Variants in AQP9 observed in about 807,000 individuals in gnomAD.
AQP9 encodes the protein aquaporin 9, also known as aquaporin-9.
A neutral mutation model predicts 23.8 loss-of-function variants in AQP9; 19 were observed. That is an observed-to-expected ratio of 0.80 (90% CI 0.56 to 1.17). The LOEUF (loss-of-function observed/expected upper bound fraction) is 1.17, where lower values mean the gene tolerates loss of function less well. Ranked by LOEUF, AQP9 falls within the 50% of genes most tolerant of loss-of-function variation. The pLI, the probability that AQP9 is intolerant of heterozygous loss-of-function variation, is 0.00. For missense variants in AQP9, 413 were observed against 362.0 expected (o/e 1.14, Z -1.14); for synonymous variants, 153 against 131.5 (o/e 1.16, Z -1.12).
At chr15:58,171,166 C>G (rs1489555228) in intron 2 of AQP9, among the ~76,000 whole-genome samples, 1 of 151,678 alleles carries the variant, frequency 6.6e-6, no homozygotes, top group Non-Finnish European at 1.5e-5. Flanking sequence ...CGGCTCACTG[C>G]AACCTCCGCC....
chr15:58,179,824 T>C (rs1245345206), intron 5 of AQP9, among the ~76,000 whole-genome samples: 4 of 152,130 alleles, frequency 2.6e-5, no homozygotes, highest in African/African-American at 4.8e-5. Flanking sequence ...AGCAAGGAAA[T>C]TTCAAATCAG....
At chr15:58,160,139 T>C (rs1898344621) in intron 1 of AQP9, among the ~76,000 whole-genome samples, 1 of 152,220 alleles carries the variant, frequency 6.6e-6, no homozygotes, top group Non-Finnish European at 1.5e-5. Context: ...CGTATAAATG[T>C]TCCTCTTTCT....
At chr15:58,169,510 G>A (rs978774932) in intron 2 of AQP9, among the ~76,000 whole-genome samples, 2 of 152,172 alleles carry the variant, frequency 1.3e-5, no homozygotes, top group African/African-American at 2.4e-5. Context: ...TTGTGTGTGG[G>A]AGGTGACTTT....
intron 2 of AQP9, among the ~76,000 whole-genome samples, chr15:58,171,148 C>T (rs1182986402): frequency 1.3e-5 from 2 of 150,514 alleles, no homozygotes; most frequent in Non-Finnish European, 2.9e-5. Flanking sequence ...AGTACAGTGG[C>T]ACCATCTCGG....
intron 1 of AQP9, among the ~76,000 whole-genome samples, chr15:58,156,948 T>C (rs1332774066): frequency 6.6e-6 from 1 of 152,148 alleles, no homozygotes; most frequent in African/African-American, 2.4e-5. Flanking sequence ...AAGGTTTCCT[T>C]AGATGGAAAC....
chr15:58,170,179 T>A (rs1361686131), intron 2 of AQP9, among the ~76,000 whole-genome samples: 2 of 152,096 alleles, frequency 1.3e-5, no homozygotes, highest in Non-Finnish European at 1.5e-5. Context: ...TGACCACTCA[T>A]CTCTGCGGGG....
intron 1 of AQP9, among the ~76,000 whole-genome samples, chr15:58,141,374 A>T (rs1159947351): frequency 2.0e-5 from 3 of 152,216 alleles, no homozygotes; most frequent in Non-Finnish European, 4.4e-5. Flanking sequence ...ACTTTTGAGT[A>T]GATAACATAC....
chr15:58,156,780 G>A (rs1445052215), intron 1 of AQP9, among the ~76,000 whole-genome samples: 2 of 152,130 alleles, frequency 1.3e-5, no homozygotes, highest in Non-Finnish European at 2.9e-5. Context: ...CATAGACAGG[G>A]AACAAATCTC....
chr15:58,173,142 T>A lies in AQP9; in HGVS notation c.313T>A (p.Tyr105Asn), dbSNP rs776953557. ...GATGAAATGGTTCAAATTGCCATTT[T>A]ATGTGGGAGCCCAGTTCTTGGGAGC... is the stretch of plus-strand genomic sequence containing the variant. ...GRMKWFKLPF[Y>N]VGAQFLGAFV... The change falls in exon 3 of 6, where the codon TAT (tyrosine) becomes AAT (asparagine). Residue 105 changes from tyrosine to asparagine, a missense_variant. Transcript: ENST00000219919. 5.0e-6 allele frequency: 8 copies of A among 1,614,196 alleles called. No homozygotes were observed. Among genetic ancestry groups the A allele is most frequent in the Non-Finnish European group, 5.9e-6 (7 of 1,180,020 alleles).
intron 1 of AQP9, among the ~76,000 whole-genome samples, chr15:58,140,597 T>C (rs1897934628): frequency 6.6e-6 from 1 of 152,204 alleles, no homozygotes; most frequent in Non-Finnish European, 1.5e-5. Flanking sequence ...GAAATCTACA[T>C]GGTTTTGCTG....
intron 1 of AQP9, among the ~76,000 whole-genome samples, chr15:58,140,911 G>C (rs1294247448): frequency 6.6e-6 from 1 of 152,168 alleles, no homozygotes; most frequent in Non-Finnish European, 1.5e-5. Flanking sequence ...ACTGGTACAG[G>C]TGGTCCCTGG....
intron 1 of AQP9, chr15:58,150,643 T>C (rs1595729719): frequency 6.6e-6 from 1 of 152,324 alleles, no homozygotes; most frequent in African/African-American, 2.4e-5. Flanking sequence ...TAATTAGCTT[T>C]ACACTAGCCC....
chr15:58,170,032 C>G (rs139820747), intron 2 of AQP9, among the ~76,000 whole-genome samples: 1 of 152,106 alleles, frequency 6.6e-6, no homozygotes, highest in Non-Finnish European at 1.5e-5. Context: ...CAGCTGTGCC[C>G]GCGGGCCCTT....
At chr15:58,159,548 A>G (rs1050638041) in intron 1 of AQP9, among the ~76,000 whole-genome samples, 1 of 152,194 alleles carries the variant, frequency 6.6e-6, no homozygotes, top group Non-Finnish European at 1.5e-5. Flanking sequence ...TGACTTTGAA[A>G]TATACAATAC....
intron 2 of AQP9, among the ~76,000 whole-genome samples, chr15:58,170,936 G>A (rs546721321): frequency 6.6e-6 from 1 of 151,500 alleles, no homozygotes; most frequent in African/African-American, 2.4e-5. Flanking sequence ...TTGGTTTTTT[G>A]TTGTTGTTGT....
rs142733894 is a variant in AQP9 at position 58,165,159 on chromosome 15, AT to A, written c.112-1512del. ...CTGGAGTCCATCTAATCATCTAATA[AT>A]TCCTATACTTATGCCTCCAGGGCCA... On this transcript the variant is annotated intron_variant, in intron 1 of 5. Coordinates refer to ENST00000219919, the MANE Select transcript of AQP9 (RefSeq NM_020980.5). Among the ~76,000 whole-genome samples the A allele has an allele frequency of 2.8e-3, 432 of 152,230 alleles. 2 individuals carry two copies. Among genetic ancestry groups the A allele is most frequent in the African/African-American group, 8.0e-3 (332 of 41,528 alleles).
At chr15:58,145,952 A>G (rs1898037216) in intron 1 of AQP9, among the ~76,000 whole-genome samples, 1 of 152,050 alleles carries the variant, frequency 6.6e-6, no homozygotes, top group African/African-American at 2.4e-5. Context: ...TGTCTCTGTC[A>G]TTTTTCCAAT....
intron 1 of AQP9, chr15:58,153,842 A>T (rs1167240371): frequency 6.6e-6 from 1 of 152,126 alleles, no homozygotes; most frequent in Non-Finnish European, 1.5e-5. Flanking sequence ...CCTCCCTAAC[A>T]GCTGTCTATA....
intron 2 of AQP9, 128 bp from the exon 3 acceptor site, chr15:58,172,940 C>T: frequency 4.3e-6 from 5 of 1,167,734 alleles, no homozygotes; most frequent in Non-Finnish European, 6.2e-6. Flanking sequence ...TGCATACACA[C>T]CCCTCTTTCT....
Sources: gnomAD v4.1 joint callset for allele counts (sites outside exome capture counted in the v4.1 genomes callset) on GRCh38, gnomAD v4.1.1 for gene constraint, MANE v1.5 for transcripts, NCBI Gene and HGNC (gene_info 2026-07-23, HGNC 2026-07-21) for gene names.